The following PDSS2 variants were observed in gnomAD, a reference collection of about 807,000 sequenced individuals.
PDSS2 encodes the protein decaprenyl diphosphate synthase subunit 2, also known as all trans-polyprenyl-diphosphate synthase PDSS2.
Under a neutral mutation model 44.5 loss-of-function variants are expected in PDSS2, and 31 were observed. The ratio of observed to expected loss-of-function variants is 0.70; its 90% confidence interval spans 0.52 to 0.94. PDSS2 has a LOEUF of 0.94. PDSS2 is among the 40% of genes least tolerant of loss of function. The pLI is 0.00. For synonymous variants in PDSS2, 157 were observed against 180.3 expected, an observed-to-expected ratio of 0.87 and a Z score of 1.03; for missense variants, 452 against 482.2, an observed-to-expected ratio of 0.94 and a Z score of 0.59.
intron 1 of PDSS2, among the ~76,000 whole-genome samples, chr6:107,378,318 G>C (rs1364813327): frequency 6.6e-6 from 1 of 150,612 alleles, no homozygotes; most frequent in Non-Finnish European, 1.5e-5. Context: ...AAAAAATGAA[G>C]CTTTATATTT....
chr6:107,302,275 C>CT (rs780389298), intron 2 of PDSS2, among the ~76,000 whole-genome samples: 2,789 of 143,812 alleles, frequency 0.019, 75 homozygotes, highest in African/African-American at 0.063. Context: ...AACTTTCCCT[C>CT]TTTTTTTTTT....
chr6:107,263,528 A>C (rs1456738340), intron 3 of PDSS2, among the ~76,000 whole-genome samples: 1 of 151,980 alleles, frequency 6.6e-6, no homozygotes, highest in African/African-American at 2.4e-5. Context: ...CCTTGTTGTT[A>C]GGTTTCTGGT....
intron 1 of PDSS2, among the ~76,000 whole-genome samples, chr6:107,346,336 C>T (rs1217251786): frequency 1.3e-5 from 2 of 152,172 alleles, no homozygotes; most frequent in Non-Finnish European, 2.9e-5. Context: ...TTCTAAGGTG[C>T]CATCTCATCT....
intron 2 of PDSS2, among the ~76,000 whole-genome samples, chr6:107,288,468 A>G (rs1776228545): frequency 6.6e-6 from 1 of 152,240 alleles, no homozygotes; most frequent in Admixed American, 6.5e-5. Flanking sequence ...GAAGGAAGAA[A>G]AGAGGACAGG....
At chr6:107,277,635 C>T (rs1167281715) in intron 2 of PDSS2, among the ~76,000 whole-genome samples, 1 of 152,056 alleles carries the variant, frequency 6.6e-6, no homozygotes, top group African/African-American at 2.4e-5. Context: ...TAGGACACCG[C>T]CTTAGACATG....
intron 1 of PDSS2, among the ~76,000 whole-genome samples, chr6:107,448,443 G>GC (rs1781759644): frequency 6.6e-6 from 1 of 152,098 alleles, no homozygotes; most frequent in Non-Finnish European, 1.5e-5. Flanking sequence ...GCAAAAAGCT[G>GC]CCAATCTCTT....
At chr6:107,229,979 T>C (rs1034602555) in intron 4 of PDSS2, 3 of 214,378 alleles carry the variant, frequency 1.4e-5, no homozygotes, top group Non-Finnish European at 3.0e-5. Context: ...TTTGGCATGA[T>C]GTACGACTCG....
chr6:107,287,648 A>T (rs1582895554), intron 2 of PDSS2, among the ~76,000 whole-genome samples: 1 of 151,970 alleles, frequency 6.6e-6, no homozygotes, highest in Non-Finnish European at 1.5e-5. Flanking sequence ...CAGCCTCCCA[A>T]GTAGCTGGGA....
At chr6:107,156,187 G>T (rs1301601184) in intron 7 of PDSS2, among the ~76,000 whole-genome samples, 4 of 144,722 alleles carry the variant, frequency 2.8e-5, no homozygotes, top group African/African-American at 1.0e-4. Context: ...ACTGTGCCCG[G>T]CCTGAATGCT....
intron 7 of PDSS2, among the ~76,000 whole-genome samples, chr6:107,159,419 CT>C (rs143684110): frequency 0.12 from 15,068 of 124,032 alleles, 983 homozygotes; most frequent in Middle Eastern, 0.23. Flanking sequence ...TCTTTCTTTT[CT>C]TTTTTTTTTT....
chr6:107,284,698 C>A (rs868341228), intron 2 of PDSS2, among the ~76,000 whole-genome samples: 2 of 150,902 alleles, frequency 1.3e-5, no homozygotes, highest in African/African-American at 2.4e-5. Context: ...CCATAGTTAA[C>A]CTTGTTTTAG....
chr6:107,203,331 G>C (rs1440219834), intron 6 of PDSS2, among the ~76,000 whole-genome samples: 1 of 152,126 alleles, frequency 6.6e-6, no homozygotes, highest in East Asian at 1.9e-4. Context: ...CTCCCTATCA[G>C]ATCAGTTTTC....
intron 7 of PDSS2, among the ~76,000 whole-genome samples, chr6:107,182,285 T>C (rs943119154): frequency 6.6e-6 from 1 of 152,196 alleles, no homozygotes; most frequent in Non-Finnish European, 1.5e-5. Context: ...TTTAAGATAC[T>C]AACTATTGCA....
At chr6:107,344,400 C>A (rs1266598931) in intron 1 of PDSS2, among the ~76,000 whole-genome samples, 1 of 152,100 alleles carries the variant, frequency 6.6e-6, no homozygotes, top group Non-Finnish European at 1.5e-5. Flanking sequence ...ATTATTACTG[C>A]CATATCTATT....
At chr6:107,316,153 T>C (rs1405472576) in intron 2 of PDSS2, among the ~76,000 whole-genome samples, 1 of 152,210 alleles carries the variant, frequency 6.6e-6, no homozygotes, top group Non-Finnish European at 1.5e-5. Context: ...GTAAGTCTGA[T>C]TTAATAACTT....
At chr6:107,220,193 G>A (rs76141739) in intron 4 of PDSS2, among the ~76,000 whole-genome samples, 2,848 of 152,108 alleles carry the variant, frequency 0.019, 81 homozygotes, top group African/African-American at 0.066. Context: ...TCATTGAATC[G>A]TAGGCTTGAA....
intron 7 of PDSS2, among the ~76,000 whole-genome samples, chr6:107,165,993 T>G (rs1393311230): frequency 1.3e-5 from 2 of 152,184 alleles, no homozygotes; most frequent in Non-Finnish European, 2.9e-5. Flanking sequence ...TAAGAATGCT[T>G]GTGATTTTTG....
At position 107,303,295 on chromosome 6, in the gene PDSS2, C is replaced by T. The variant is rs545802122; in HGVS notation, c.432-29068G>A. Among the ~76,000 whole-genome samples the T allele has an allele frequency of 9.9e-5, 15 of 152,280 alleles. No individual in the cohort carries two copies. In the South Asian group the frequency reaches 2.9e-3, roughly 29 times the overall value. On this transcript the variant is annotated intron_variant, in intron 2 of 7. Coordinates refer to ENST00000369037, the MANE Select transcript of PDSS2 (RefSeq NM_020381.4). ...ATCAGCCCATCTCCTAACACTGCTA[C>T]ACTGGGGACCAAGTTTCAGCATGAG...
At chr6:107,219,955 A>T (rs991360513) in intron 4 of PDSS2, among the ~76,000 whole-genome samples, 8 of 152,232 alleles carry the variant, frequency 5.3e-5, no homozygotes, top group Non-Finnish European at 1.5e-5. Flanking sequence ...TTACTGACAC[A>T]TGCTATGCCA....
Sources: allele counts gnomAD v4.1 joint callset (sites outside exome capture counted in the v4.1 genomes callset), GRCh38; gene constraint gnomAD v4.1.1; transcripts MANE v1.5; gene names NCBI Gene and HGNC (gene_info 2026-07-23, HGNC 2026-07-21).